ANK3: variants seen among roughly 807,000 people sequenced by gnomAD.
The protein encoded by ANK3 is ankyrin 3.
ANK3 carries 57 observed loss-of-function variants against 370.9 expected under a neutral mutation model. That is an observed-to-expected ratio of 0.15 (90% confidence interval 0.12 to 0.19). The LOEUF (loss-of-function observed/expected upper bound fraction) is 0.19, where lower values mean the gene tolerates loss of function less well. Ranked by LOEUF, ANK3 falls within the 10% of genes least tolerant of loss-of-function variation. The pLI, the probability that ANK3 is intolerant of heterozygous loss-of-function variation, is 1.00. For missense variants in ANK3, 4,439 were observed against 5,302.1 expected (o/e 0.84, Z 5.06); for synonymous variants, 1,929 against 1,946.3 (o/e 0.99, Z 0.23).
Position 60,597,729 on chromosome 10 carries a change from C to T in ANK3, c.96+17457G>A, listed in dbSNP as rs577915333. On this transcript the variant is annotated intron_variant, in intron 2 of 43. Transcript: ENST00000373827. ...TCAAGCAATGTAATCAAAAGATCAA[C>T]ATGATTCATAATGGCAACTTTTGGT... 2.2e-4 allele frequency among the ~76,000 whole-genome samples: 33 copies of T among 152,246 alleles called. No homozygotes were observed. In the South Asian group the frequency reaches 6.6e-3, roughly 31 times the overall value.
intron 5 of ANK3, 54 bp from the exon 6 acceptor site, chr10:60,264,074 T>G: frequency 6.8e-7 from 1 of 1,473,300 alleles, no homozygotes; most frequent in Non-Finnish European, 9.2e-7. Flanking sequence ...TTCTTTTTTA[T>G]TAAATTAACA....
At chr10:60,105,369 G>A (rs962862009) in intron 28 of ANK3, among the ~76,000 whole-genome samples, 3 of 152,056 alleles carry the variant, frequency 2.0e-5, no homozygotes, top group Admixed American at 2.0e-4. Flanking sequence ...ATATATACCA[G>A]TCTTACTAGG....
At chr10:60,140,897 A>C in intron 23 of ANK3, 1 of 985,994 alleles carries the variant, frequency 1.0e-6, no homozygotes, top group Non-Finnish European at 1.2e-6. Flanking sequence ...GATTCTTCTC[A>C]AATATGAATG....
At position 60,059,796 on chromosome 10, in the gene ANK3, G is replaced by A. The variant is rs1036909947; in HGVS notation, c.12596-366C>T. 6 of 1,614,242 alleles carry A rather than the reference G, an allele frequency of 3.7e-6. No individual in the cohort carries two copies. The highest frequency in any genetic ancestry group is 5.1e-6 in the Non-Finnish European group (6 of 1,180,024). On this transcript the variant is annotated intron_variant, in intron 40 of 43. Transcript: ENST00000280772. ...TTCCAGTTTGCTGTCTTCTAAGGAA[G>A]CGTCTTCTGCAGTTACGACTGGAGG... is the stretch of plus-strand genomic sequence containing the variant.
chr10:60,603,602 C>G (rs1392052329), intron 2 of ANK3, among the ~76,000 whole-genome samples: 1 of 152,018 alleles, frequency 6.6e-6, no homozygotes, highest in Non-Finnish European at 1.5e-5. Flanking sequence ...ATTTCTCAAG[C>G]ATTAAAATTA....
At chr10:60,715,375 T>C (rs2079771299) in intron 1 of ANK3, among the ~76,000 whole-genome samples, 1 of 151,818 alleles carries the variant, frequency 6.6e-6, no homozygotes, top group South Asian at 2.1e-4. Flanking sequence ...GAACAATGCA[T>C]AAAGGAACAC....
intron 43 of ANK3, among the ~76,000 whole-genome samples, chr10:60,038,352 G>A (rs749332871): frequency 3.3e-5 from 5 of 152,214 alleles, no homozygotes; most frequent in Non-Finnish European, 7.3e-5. Context: ...AGCCGATATT[G>A]TGCTACTGCA....
At chr10:60,611,728 A>G (rs1394181542) in intron 2 of ANK3, among the ~76,000 whole-genome samples, 2 of 151,478 alleles carry the variant, frequency 1.3e-5, no homozygotes, top group African/African-American at 2.4e-5. Context: ...GAATGCCCTG[A>G]CAGCACACCT....
At chr10:60,309,590 C>G (rs946930615) in intron 1 of ANK3, among the ~76,000 whole-genome samples, 1 of 152,106 alleles carries the variant, frequency 6.6e-6, no homozygotes, top group South Asian at 2.1e-4. Flanking sequence ...GGGGGGTGTT[C>G]TGAAACTATG....
intron 1 of ANK3, among the ~76,000 whole-genome samples, chr10:60,697,970 C>T (rs930291969): frequency 1.3e-5 from 2 of 151,888 alleles, no homozygotes; most frequent in African/African-American, 4.8e-5. Flanking sequence ...AACAGGCAGC[C>T]TACAAAATGG....
At chr10:60,721,540 A>C (rs2079863428) in intron 1 of ANK3, among the ~76,000 whole-genome samples, 1 of 152,200 alleles carries the variant, frequency 6.6e-6, no homozygotes, top group African/African-American at 2.4e-5. Flanking sequence ...TAAACAGAGG[A>C]ATGACATCAT....
At chr10:60,421,675 A>G (rs561573491) in intron 2 of ANK3, among the ~76,000 whole-genome samples, 6 of 152,118 alleles carry the variant, frequency 3.9e-5, no homozygotes, top group Admixed American at 3.3e-4. Flanking sequence ...GCTACCATAG[A>G]TCTCATAAGT....
At chr10:60,582,805 G>T (rs765174195) in intron 2 of ANK3, among the ~76,000 whole-genome samples, 8 of 151,976 alleles carry the variant, frequency 5.3e-5, no homozygotes, top group Non-Finnish European at 8.8e-5. Flanking sequence ...CTGTGTAGAA[G>T]CTTCTTCGTT....
At chr10:60,335,006 G>A (rs746898620) in intron 1 of ANK3, among the ~76,000 whole-genome samples, 15 of 152,012 alleles carry the variant, frequency 9.9e-5, no homozygotes, top group Non-Finnish European at 1.9e-4. Context: ...CCCACTATTA[G>A]GCTAGTTTCA....
intron 1 of ANK3, among the ~76,000 whole-genome samples, chr10:60,642,680 A>C (rs1053256532): frequency 6.6e-6 from 1 of 152,122 alleles, no homozygotes; most frequent in Non-Finnish European, 1.5e-5. Context: ...CTAATGCTAA[A>C]GGACGAGTTA....
chr10:60,136,302 C>G (rs1463029523), intron 24 of ANK3, among the ~76,000 whole-genome samples: 4 of 152,038 alleles, frequency 2.6e-5, no homozygotes, highest in Non-Finnish European at 5.9e-5. Context: ...CTGGTGTGAA[C>G]GAACAAATGA....
intron 1 of ANK3, among the ~76,000 whole-genome samples, chr10:60,698,384 C>T (rs1430633432): frequency 6.6e-6 from 1 of 151,716 alleles, no homozygotes; most frequent in Non-Finnish European, 1.5e-5. Flanking sequence ...CCATTTGACC[C>T]AGCCATCCCA....
At chr10:60,196,474 G>C in intron 15 of ANK3, 53 bp downstream of exon 15, 1 of 1,222,948 alleles carries the variant, frequency 8.2e-7, no homozygotes, top group South Asian at 1.3e-5. Flanking sequence ...TAGCAAGGGT[G>C]TATTTTGTTA....
In ANK3 at chr10:60,063,133, A is replaced by C. The variant is rs1245107704; in HGVS notation, c.12573T>G (p.Asn4191Lys). The C allele has an allele frequency of 4.3e-6, 7 of 1,613,040 alleles. No individual in the cohort carries two copies. The highest frequency in any genetic ancestry group is 5.9e-6 in the Non-Finnish European group (7 of 1,179,686). Residue 4191 changes from asparagine to lysine, a missense_variant, in exon 40 of 44, where the codon AAT (asparagine) becomes AAG (lysine). Transcript: ENST00000280772. ...TACCATCAACAGGGTCATGGAAAAC[A>C]TTGTTCTCATCTGCAAAACTTCTGG... is the stretch of plus-strand genomic sequence containing the variant. ...SGTRSFADENNVFHDPVDGWQ... is the reference protein window; with the variant it reads ...SGTRSFADENKVFHDPVDGWQ...
Sources: allele counts gnomAD v4.1 joint callset (sites outside exome capture counted in the v4.1 genomes callset), GRCh38; gene constraint gnomAD v4.1.1; transcripts MANE v1.5; gene names NCBI Gene and HGNC (gene_info 2026-07-23, HGNC 2026-07-21).